Variants in AFG1L observed in about 807,000 individuals in gnomAD.
AFG1L encodes AFG1-like ATPase.
AFG1L carries 53 observed loss-of-function variants against 62.2 expected under a neutral mutation model. The observed-to-expected ratio is 0.85, with a 90% CI of 0.68 to 1.07. The LOEUF is 1.07. Ranked by LOEUF, AFG1L falls within the 50% of genes least tolerant of loss-of-function variation. AFG1L has a pLI of 0.00. For missense variants in AFG1L, 555 were observed against 590.5 expected, an observed-to-expected ratio of 0.94 and a Z score of 0.62; for synonymous variants, 228 against 210.3, an observed-to-expected ratio of 1.08 and a Z score of -0.73.
chr6:108,444,898 C>G (rs1291207018), intron 7 of AFG1L, among the ~76,000 whole-genome samples: 2 of 152,220 alleles, frequency 1.3e-5, no homozygotes, highest in Non-Finnish European at 2.9e-5. Context: ...GCATTAGCCT[C>G]TAACAAGAGA....
At chr6:108,299,768 TC>T (rs1169585530) in intron 1 of AFG1L, among the ~76,000 whole-genome samples, 3 of 151,980 alleles carry the variant, frequency 2.0e-5, no homozygotes, top group African/African-American at 7.3e-5. Flanking sequence ...TGAGACCCTG[TC>T]TCTAAAAATA....
At chr6:108,432,330 C>A (rs1297701195) in intron 7 of AFG1L, among the ~76,000 whole-genome samples, 1 of 152,094 alleles carries the variant, frequency 6.6e-6, no homozygotes, top group Non-Finnish European at 1.5e-5. Flanking sequence ...TTCTCAAGCC[C>A]TCTTTAAACT....
At chr6:108,463,949 C>T (rs568018941) in intron 8 of AFG1L, among the ~76,000 whole-genome samples, 58 of 152,212 alleles carry the variant, frequency 3.8e-4, no homozygotes, top group Non-Finnish European at 6.2e-4. Flanking sequence ...AGCATGAATG[C>T]GCAGGCAATC....
In AFG1L at chr6:108,412,083, G is replaced by T. The variant is rs1347958337; in HGVS notation, c.807+10029G>T. ...AGAAGTCCTTAAATGACCTGATGGA[G>T]CTGAAAACCATGGCACGAGAACTAT... On this transcript the variant is annotated intron_variant, in intron 7 of 12. Transcript: ENST00000368977. 4.6e-5 allele frequency among the ~76,000 whole-genome samples: 7 copies of T among 152,320 alleles called. No individual in the cohort carries two copies. The East Asian group carries it at 1.4e-3, about 29-fold the overall frequency.
Position 108,355,753 on chromosome 6 carries a change from A to G in AFG1L, c.515A>G (p.Lys172Arg). ...CATGGTTTCATGCTAGATGTGCACA[A>G]AAGTAAGCAATGATCTGAAAGAAGT... ...HFHGFMLDVH[K>R]RIHRLKQSLP... Residue 172 changes from lysine (K) to arginine (R), a missense_variant and splice_region_variant, in exon 4 of 13, where the codon AAA becomes AGA. Coordinates refer to ENST00000368977, the MANE Select transcript of AFG1L (RefSeq NM_145315.5). 2 of 1,594,208 alleles carry G rather than the reference A, an allele frequency of 1.3e-6. No homozygotes were observed. The highest frequency in any genetic ancestry group is 1.7e-6 in the Non-Finnish European group (2 of 1,168,578).
At chr6:108,435,628 C>T (rs1439587444) in intron 7 of AFG1L, among the ~76,000 whole-genome samples, 1 of 152,122 alleles carries the variant, frequency 6.6e-6, no homozygotes, top group Admixed American at 6.5e-5. Flanking sequence ...AAGATGTTTC[C>T]TCATATAGAC....
At chr6:108,485,186 A>G (rs1185641504) in intron 10 of AFG1L, among the ~76,000 whole-genome samples, 1 of 152,200 alleles carries the variant, frequency 6.6e-6, no homozygotes, top group Non-Finnish European at 1.5e-5. Flanking sequence ...GCAGCTTCTT[A>G]GATGATGCCA....
Position 108,366,334 on chromosome 6 carries a change from TA to T in AFG1L, c.748+7del. 1 of 1,603,588 alleles carries T rather than the reference TA, an allele frequency of 6.2e-7. No homozygotes were observed. The highest frequency in any genetic ancestry group is 8.5e-7 in the Non-Finnish European group (1 of 1,171,328). On this transcript the variant is annotated splice_donor_region_variant and intron_variant, in intron 6 of 12. Coordinates refer to ENST00000368977, the MANE Select transcript of AFG1L (RefSeq NM_145315.5). ...CAACATCCAACAGGCCACCGGAAGG[TA>T]AAAACAAACATTGTGCTAGTCTCAT...
intron 2 of AFG1L, among the ~76,000 whole-genome samples, chr6:108,328,805 T>A (rs986561760): frequency 2.0e-5 from 3 of 152,166 alleles, no homozygotes; most frequent in Non-Finnish European, 4.4e-5. Context: ...TGGTGGTTTT[T>A]AAAAAAATCT....
intron 6 of AFG1L, among the ~76,000 whole-genome samples, chr6:108,369,231 T>C (rs1265017473): frequency 6.6e-6 from 1 of 151,616 alleles, no homozygotes; most frequent in Non-Finnish European, 1.5e-5. Flanking sequence ...GGTGAGGAGG[T>C]GTTTGACTAC....
At chr6:108,509,819 A>G (rs979800212) in intron 10 of AFG1L, among the ~76,000 whole-genome samples, 1 of 152,220 alleles carries the variant, frequency 6.6e-6, no homozygotes, top group Non-Finnish European at 1.5e-5. Context: ...CTTTTTGTAA[A>G]AAGGAAAACT....
At chr6:108,350,041 G>A (rs1291080301) in intron 3 of AFG1L, among the ~76,000 whole-genome samples, 1 of 151,860 alleles carries the variant, frequency 6.6e-6, no homozygotes, top group African/African-American at 2.4e-5. Context: ...GGCCAAAATG[G>A]TGAAACCCCG....
intron 8 of AFG1L, among the ~76,000 whole-genome samples, chr6:108,464,422 C>T (rs1172570108): frequency 6.6e-6 from 1 of 152,160 alleles, no homozygotes; most frequent in Non-Finnish European, 1.5e-5. Context: ...ACTTTCCTCT[C>T]TGTTCACTAA....
chr6:108,462,934 G>T (rs1023615588), intron 8 of AFG1L, among the ~76,000 whole-genome samples: 2 of 152,136 alleles, frequency 1.3e-5, no homozygotes, highest in African/African-American at 2.4e-5. Context: ...CATAAGAAAA[G>T]CTGATCTGGC....
At chr6:108,488,817 A>C (rs1773667963) in intron 10 of AFG1L, among the ~76,000 whole-genome samples, 1 of 151,926 alleles carries the variant, frequency 6.6e-6, no homozygotes, top group Non-Finnish European at 1.5e-5. Flanking sequence ...GCGCCATTGC[A>C]CTCCAGCCTG....
At chr6:108,339,421 T>C (rs1778594529) in intron 2 of AFG1L, among the ~76,000 whole-genome samples, 1 of 151,832 alleles carries the variant, frequency 6.6e-6, no homozygotes, top group Admixed American at 6.6e-5. Flanking sequence ...ATTACAGGTG[T>C]GAGCCACTGC....
chr6:108,413,491 T>C (rs939472501), intron 7 of AFG1L, among the ~76,000 whole-genome samples: 1 of 152,158 alleles, frequency 6.6e-6, no homozygotes, highest in Non-Finnish European at 1.5e-5. Flanking sequence ...ATCACACTTA[T>C]TCCAAAATTG....
At chr6:108,333,645 C>T (rs371390343) in intron 2 of AFG1L, among the ~76,000 whole-genome samples, 7 of 151,584 alleles carry the variant, frequency 4.6e-5, no homozygotes, top group African/African-American at 1.7e-4. Context: ...AACAGACAAC[C>T]CAGTAGAAAA....
At chr6:108,335,351 T>C (rs1330279219) in intron 2 of AFG1L, among the ~76,000 whole-genome samples, 1 of 152,198 alleles carries the variant, frequency 6.6e-6, no homozygotes, top group African/African-American at 2.4e-5. Context: ...ACTCAATTCA[T>C]GTTTGTGGAA....
Sources: gnomAD v4.1 joint callset for allele counts (sites outside exome capture counted in the v4.1 genomes callset) on GRCh38, gnomAD v4.1.1 for gene constraint, MANE v1.5 for transcripts, NCBI Gene and HGNC (gene_info 2026-07-23, HGNC 2026-07-21) for gene names.